Variants in MAD1L1 observed in about 807,000 individuals in gnomAD.
MAD1L1 encodes the protein mitotic spindle assembly checkpoint protein MAD1.
A neutral mutation model predicts 96.9 loss-of-function variants in MAD1L1; 95 were observed. That is an observed-to-expected ratio of 0.98 (90% CI 0.83 to 1.16). MAD1L1 has a LOEUF of 1.16. Among genes scored for constraint, MAD1L1 ranks in the 50% most tolerant of loss-of-function variants. The pLI, the probability that MAD1L1 is intolerant of heterozygous loss-of-function variation, is 0.00. For missense variants in MAD1L1, 1,007 were observed against 954.4 expected, an observed-to-expected ratio of 1.06 and a Z score of -0.73; for synonymous variants, 473 against 396.6, an observed-to-expected ratio of 1.19 and a Z score of -2.29.
intron 17 of MAD1L1, among the ~76,000 whole-genome samples, chr7:1,904,493 T>A (rs554935534): frequency 7.4e-6 from 1 of 135,922 alleles, no homozygotes; most frequent in African/African-American, 3.3e-5. Flanking sequence ...GAGGACGCAG[T>A]GGCCTATGGA....
intron 12 of MAD1L1, among the ~76,000 whole-genome samples, chr7:2,029,399 G>C (rs1172516095): frequency 6.6e-6 from 1 of 152,156 alleles, no homozygotes; most frequent in Non-Finnish European, 1.5e-5. Context: ...GCAGGGCTTT[G>C]GGGGAGGTGG....
intron 10 of MAD1L1, among the ~76,000 whole-genome samples, chr7:2,150,496 C>T (rs764576675): frequency 5.3e-5 from 8 of 152,318 alleles, no homozygotes; most frequent in African/African-American, 7.2e-5. Flanking sequence ...GCCCCTCCCC[C>T]GGTCTTCCAG....
chr7:2,217,926 G>A (rs748830428), intron 7 of MAD1L1, 36 bp downstream of exon 7: 18 of 1,564,502 alleles, frequency 1.2e-5, no homozygotes, highest in Non-Finnish European at 1.3e-5. Context: ...GGCCACCACA[G>A]GGATGTCCAC....
chr7:2,068,602 T>C (rs1784987014), intron 12 of MAD1L1, among the ~76,000 whole-genome samples: 1 of 151,994 alleles, frequency 6.6e-6, no homozygotes, highest in Non-Finnish European at 1.5e-5. Context: ...GGGGACAGAT[T>C]GACTTCTTTC....
intron 10 of MAD1L1, among the ~76,000 whole-genome samples, chr7:2,195,087 CAAAA>C (rs36028754): frequency 7.8e-6 from 1 of 128,068 alleles, no homozygotes. Context: ...GACTCTGTCT[CAAAA>C]AAAAAAAAAA....
At chr7:1,950,253 C>T (rs7801421) in intron 16 of MAD1L1, among the ~76,000 whole-genome samples, 7 of 152,056 alleles carry the variant, frequency 4.6e-5, no homozygotes, top group East Asian at 3.9e-4. Context: ...TGTCACCCAG[C>T]GGCGAGAATG....
intron 17 of MAD1L1, among the ~76,000 whole-genome samples, chr7:1,910,553 T>C (rs966974630): frequency 6.6e-6 from 1 of 152,118 alleles, no homozygotes; most frequent in Non-Finnish European, 1.5e-5. Context: ...TCTCCATTGG[T>C]CATTCAGGCT....
At chr7:1,932,380 C>A (rs1404593963) in intron 17 of MAD1L1, among the ~76,000 whole-genome samples, 1 of 152,250 alleles carries the variant, frequency 6.6e-6, no homozygotes, top group Non-Finnish European at 1.5e-5. Context: ...GGTTTACTCC[C>A]TCATCCTTTG....
intron 17 of MAD1L1, among the ~76,000 whole-genome samples, chr7:1,905,958 G>C (rs61564085): frequency 0.014 from 2,121 of 150,458 alleles, 46 homozygotes; most frequent in African/African-American, 0.049. Flanking sequence ...GCTGAGGCAG[G>C]AGAATTGCTT....
At chr7:1,958,014 G>A (rs2128474193) in intron 15 of MAD1L1, among the ~76,000 whole-genome samples, 1 of 152,340 alleles carries the variant, frequency 6.6e-6, no homozygotes, top group East Asian at 1.9e-4. Context: ...ACCAGCCCGA[G>A]GCAGGACGCC....
intron 14 of MAD1L1, among the ~76,000 whole-genome samples, chr7:1,997,626 C>T (rs144364853): frequency 6.0e-4 from 91 of 152,386 alleles, no homozygotes; most frequent in African/African-American, 2.1e-3. Context: ...CTGTAACCCC[C>T]GGGAAGAAGC....
intron 11 of MAD1L1, among the ~76,000 whole-genome samples, chr7:2,095,174 C>T (rs1786420115): frequency 6.6e-6 from 1 of 152,120 alleles, no homozygotes; most frequent in Admixed American, 6.5e-5. Flanking sequence ...TCCCAAGTAG[C>T]TGGGACTACA....
chr7:1,863,950 T>A (rs1203188307), intron 18 of MAD1L1, among the ~76,000 whole-genome samples: 1 of 152,134 alleles, frequency 6.6e-6, no homozygotes, highest in African/African-American at 2.4e-5. Flanking sequence ...TAGCCAGGCA[T>A]GGTGGCACGC....
chr7:2,197,611 G>A (rs1179580075), intron 10 of MAD1L1, among the ~76,000 whole-genome samples: 3 of 152,110 alleles, frequency 2.0e-5, no homozygotes, highest in Non-Finnish European at 4.4e-5. Context: ...TCTCTGACCC[G>A]GTGAGGCACT....
chr7:1,824,764 T>C (rs932959631), intron 18 of MAD1L1, among the ~76,000 whole-genome samples: 1 of 152,156 alleles, frequency 6.6e-6, no homozygotes, highest in Admixed American at 6.5e-5. Flanking sequence ...TTTTTTTGTC[T>C]TGAGGCTGTC....
At chr7:1,910,804 C>G (rs11771973) in intron 17 of MAD1L1, among the ~76,000 whole-genome samples, 46,075 of 152,130 alleles carry the variant, frequency 0.3, 8,336 homozygotes, top group East Asian at 0.46. Context: ...CCCTGGGGAG[C>G]ATGGCTACGT....
chr7:1,882,078 G>T (rs974801483), intron 18 of MAD1L1, among the ~76,000 whole-genome samples: 1 of 152,072 alleles, frequency 6.6e-6, no homozygotes, highest in Non-Finnish European at 1.5e-5. Context: ...GGCAGACACC[G>T]TTCACCATGC....
chr7:2,011,793 G>A (rs116449706), intron 13 of MAD1L1, among the ~76,000 whole-genome samples: 3,304 of 152,220 alleles, frequency 0.022, 142 homozygotes, highest in African/African-American at 0.074. Flanking sequence ...ATCTGTGCCA[G>A]CAGCCGATAC....
At chr7:2,017,860 T>C (rs1417036186) in intron 12 of MAD1L1, among the ~76,000 whole-genome samples, 1 of 151,958 alleles carries the variant, frequency 6.6e-6, no homozygotes, top group African/African-American at 2.4e-5. Flanking sequence ...GCTGAGACAG[T>C]GGGCAGAATA....
Sources: gnomAD v4.1 joint callset for allele counts (sites outside exome capture counted in the v4.1 genomes callset) on GRCh38, gnomAD v4.1.1 for gene constraint, MANE v1.5 for transcripts, NCBI Gene and HGNC (gene_info 2026-07-23, HGNC 2026-07-21) for gene names.